The following BTBD9 variants were observed in gnomAD, a reference collection of about 807,000 sequenced individuals.
BTBD9 encodes the protein BTB domain containing 9.
A neutral mutation model predicts 64.3 loss-of-function variants in BTBD9; 49 were observed. The observed-to-expected ratio is 0.76, with a 90% confidence interval of 0.61 to 0.97. The LOEUF (loss-of-function observed/expected upper bound fraction) is 0.97, where lower values mean the gene tolerates loss of function less well. BTBD9 is among the 50% of genes least tolerant of loss of function. The probability of loss-of-function intolerance (pLI) is 0.00; values close to 1 mark genes in which losing one functional copy is unlikely to be tolerated. For synonymous variants in BTBD9, 260 were observed against 274.7 expected, an observed-to-expected ratio of 0.95 and a Z score of 0.53; for missense variants, 598 against 762.1, an observed-to-expected ratio of 0.78 and a Z score of 2.53.
chr6:38,374,294 T>TATAC (rs1282896109), intron 6 of BTBD9, among the ~76,000 whole-genome samples: 849 of 80,352 alleles, frequency 0.011, 100 homozygotes, highest in East Asian at 0.029. Flanking sequence ...TATATATATA[T>TATAC]ATGTATATAT....
At chr6:38,355,645 T>A (rs1277745330) in intron 6 of BTBD9, among the ~76,000 whole-genome samples, 1 of 152,244 alleles carries the variant, frequency 6.6e-6, no homozygotes, top group Non-Finnish European at 1.5e-5. Context: ...TCTATCATAT[T>A]ACTAATAGTC....
intron 6 of BTBD9, among the ~76,000 whole-genome samples, chr6:38,378,381 T>A (rs891729489): frequency 6.6e-6 from 1 of 151,492 alleles, no homozygotes; most frequent in African/African-American, 2.4e-5. Flanking sequence ...GTAGCTGGGA[T>A]TGCAGGCACA....
chr6:38,514,281 G>C (rs989461903), intron 6 of BTBD9, among the ~76,000 whole-genome samples: 3 of 152,180 alleles, frequency 2.0e-5, no homozygotes, highest in African/African-American at 7.2e-5. Context: ...TCTACAGAAA[G>C]ACATCGTACT....
At chr6:38,415,944 G>A (rs1318152747) in intron 6 of BTBD9, among the ~76,000 whole-genome samples, 6 of 152,116 alleles carry the variant, frequency 3.9e-5, no homozygotes, top group South Asian at 2.1e-4. Context: ...CCCTAACAGA[G>A]TCTATGAAGT....
chr6:38,396,024 A>G (rs1193895157), intron 6 of BTBD9, among the ~76,000 whole-genome samples: 2 of 152,086 alleles, frequency 1.3e-5, no homozygotes, highest in African/African-American at 4.8e-5. Flanking sequence ...TTAAGTCACT[A>G]TGTTTGGGGT....
chr6:38,354,441 T>C (rs1182236142), intron 6 of BTBD9, among the ~76,000 whole-genome samples: 1 of 152,180 alleles, frequency 6.6e-6, no homozygotes, highest in Non-Finnish European at 1.5e-5. Context: ...TTGTTATATA[T>C]GATAATACTA....
chr6:38,296,132 C>A (rs961757039), intron 7 of BTBD9, among the ~76,000 whole-genome samples: 7 of 152,176 alleles, frequency 4.6e-5, no homozygotes, highest in Admixed American at 3.3e-4. Context: ...ACCATGCTGT[C>A]TTAATTACCA....
At chr6:38,352,666 CT>C (rs1764567582) in intron 6 of BTBD9, among the ~76,000 whole-genome samples, 1 of 152,186 alleles carries the variant, frequency 6.6e-6, no homozygotes, top group African/African-American at 2.4e-5. Context: ...GCCATAAGAG[CT>C]TATTACCTAT....
At position 38,594,017 on chromosome 6, in the gene BTBD9, C is replaced by G; in HGVS notation, c.496G>C (p.Asp166His). Residue 166 changes from aspartate (D) to histidine (H), a missense_variant, in exon 3 of 11, where the codon GAT (aspartate) becomes CAT (histidine). Asp to His is a moderately conservative substitution (Grantham distance 81). Transcript: ENST00000481247. ...KLTCMCCMFM[D>H]RNAQEVLSSE... ...GAGAGGACTTCCTGAGCATTCCTAT[C>G]CATAAACATGCAGCACATACAAGTT... 6.2e-7 allele frequency: 1 copy of G among 1,614,068 alleles called. No individual in the cohort carries two copies.
intron 6 of BTBD9, chr6:38,565,863 A>G (rs1176073582): frequency 6.6e-6 from 1 of 152,222 alleles, no homozygotes; most frequent in Non-Finnish European, 1.5e-5. Context: ...GAAACATCCT[A>G]AAGGTCCCTT....
At chr6:38,260,642 T>C (rs1457796953) in intron 8 of BTBD9, among the ~76,000 whole-genome samples, 1 of 152,238 alleles carries the variant, frequency 6.6e-6, no homozygotes, top group Non-Finnish European at 1.5e-5. Context: ...TCATGCTCTG[T>C]AAGTAGCTTA....
chr6:38,564,758 G>GTT lies in BTBD9; in HGVS notation c.1154+12841_1154+12842insAA, dbSNP rs1409585715. ...AAAAACAAAATTAGCTGGGCGTGGTGGTAGGCACCTGTAATCCCAGCTACT... is the reference window on the plus strand; with the variant it reads ...AAAAACAAAATTAGCTGGGCGTGGTGTTGTAGGCACCTGTAATCCCAGCTACT... On this transcript the variant is annotated intron_variant, in intron 6 of 10. Coordinates refer to ENST00000481247, the MANE Select transcript of BTBD9 (RefSeq NM_001099272.2). 2.9e-4 allele frequency among the ~76,000 whole-genome samples: 44 copies of GTT among 152,222 alleles called. No individual in the cohort carries two copies. The East Asian group carries it at 8.5e-3, about 29-fold the overall frequency.
Position 38,490,763 on chromosome 6 carries a change from G to A in BTBD9, c.1154+86837C>T, listed in dbSNP as rs181798594. On this transcript the variant is annotated intron_variant, in intron 6 of 10. Transcript: ENST00000481247. ...GAAGAAGGTGAGAGATGGTAAAAAC[G>A]AATGTCTGACAGGAGAAAACTTGCA... Among the ~76,000 whole-genome samples, 17 of 152,300 alleles carry A rather than the reference G, an allele frequency of 1.1e-4. 1 individual carries two copies. In the South Asian group the frequency reaches 3.3e-3, roughly 30 times the overall value.
chr6:38,404,466 G>A (rs773625396), intron 6 of BTBD9, among the ~76,000 whole-genome samples: 9 of 152,010 alleles, frequency 5.9e-5, no homozygotes, highest in Non-Finnish European at 1.0e-4. Context: ...CAAAACAGAG[G>A]ATGCATTCAT....
intron 6 of BTBD9, among the ~76,000 whole-genome samples, chr6:38,529,473 A>G (rs1773680158): frequency 6.6e-6 from 1 of 152,180 alleles, no homozygotes; most frequent in South Asian, 2.1e-4. Flanking sequence ...AGAAGGACAG[A>G]TACAGACAAG....
chr6:38,264,857 T>C (rs1448998551), intron 8 of BTBD9, among the ~76,000 whole-genome samples: 2 of 152,142 alleles, frequency 1.3e-5, no homozygotes, highest in Admixed American at 6.5e-5. Context: ...TGAGAACCCC[T>C]GAGGTGTTGC....
At chr6:38,423,317 T>C (rs1251456721) in intron 6 of BTBD9, among the ~76,000 whole-genome samples, 2 of 152,006 alleles carry the variant, frequency 1.3e-5, no homozygotes, top group Non-Finnish European at 2.9e-5. Context: ...TTTTTTTAAA[T>C]AGTGTGAGAT....
chr6:38,408,818 C>T (rs1209569541), intron 6 of BTBD9, among the ~76,000 whole-genome samples: 1 of 152,212 alleles, frequency 6.6e-6, no homozygotes, highest in Non-Finnish European at 1.5e-5. Flanking sequence ...AAAGCAGTAG[C>T]ATTTCTACCA....
At chr6:38,398,789 T>C (rs1766802075) in intron 6 of BTBD9, among the ~76,000 whole-genome samples, 2 of 152,254 alleles carry the variant, frequency 1.3e-5, no homozygotes, top group South Asian at 2.1e-4. Flanking sequence ...TCCTAATTTA[T>C]TCTTATACCC....
Sources: allele counts gnomAD v4.1 joint callset (sites outside exome capture counted in the v4.1 genomes callset), GRCh38; gene constraint gnomAD v4.1.1; transcripts MANE v1.5; gene names NCBI Gene and HGNC (gene_info 2026-07-23, HGNC 2026-07-21).